Variants in NCAPG observed in about 807,000 individuals in gnomAD.
NCAPG encodes the protein non-SMC condensin I complex subunit G.
In NCAPG, 69 loss-of-function variants were observed where a neutral mutation model predicts 113.1. The ratio of observed to expected loss-of-function variants is 0.61; its 90% CI spans 0.50 to 0.75. The LOEUF (loss-of-function observed/expected upper bound fraction) is 0.75. Ranked by LOEUF, NCAPG falls within the 30% of genes least tolerant of loss-of-function variation. NCAPG has a pLI of 0.00. For synonymous variants in NCAPG, 370 were observed against 415.8 expected (o/e 0.89, Z 1.34); for missense variants, 1,058 against 1,177.0 (o/e 0.90, Z 1.48).
chr4:17,832,418 AT>A (rs1721901138), intron 13 of NCAPG, among the ~76,000 whole-genome samples: 1 of 152,210 alleles, frequency 6.6e-6, no homozygotes, highest in South Asian at 2.1e-4. Flanking sequence ...AAGGTGGAGG[AT>A]AATTTAAAGA....
At chr4:17,817,820 TA>T in intron 6 of NCAPG, 118 bp from the exon 7 acceptor site, 10 of 992,128 alleles carry the variant, frequency 1.0e-5, no homozygotes, top group Non-Finnish European at 1.4e-5. Flanking sequence ...TTAATGACTC[TA>T]ATTAAAAGGA....
chr4:17,830,569 T>TTTTTTTA (rs1721827140), intron 12 of NCAPG, among the ~76,000 whole-genome samples: 1 of 151,114 alleles, frequency 6.6e-6, no homozygotes, highest in African/African-American at 2.4e-5. Context: ...TTTTTTTTTT[T>TTTTTTTA]ACTTCAATGT....
In NCAPG at chr4:17,811,470, C is replaced by T. The variant is rs984560412; in HGVS notation, c.111+282C>T. Among the ~76,000 whole-genome samples the T allele has an allele frequency of 1.4e-4, 22 of 152,340 alleles. No homozygotes were observed. The highest frequency in any genetic ancestry group is 5.0e-4 in the African/African-American group (21 of 41,590). On this transcript the variant is annotated intron_variant, in intron 1 of 20. Coordinates refer to ENST00000251496, the MANE Select transcript of NCAPG (RefSeq NM_022346.5). The surrounding 1 kb of genome is among the most constrained non-coding windows in gnomAD (Gnocchi z 5.3). ...TTCTGGGCGGCGTGGACCGTTATTC[C>T]TTAGTCCGATCGTGAACGTGGAGAG...
At position 17,817,422 on chromosome 4, in the gene NCAPG, CTGGTGGGACTCTGTAAAAACAATG is replaced by C; in HGVS notation, c.938_961del (p.Leu313_Asp321delinsHis). 6.2e-7 allele frequency: 1 copy of C among 1,614,066 alleles called. No homozygotes were observed. The highest frequency in any genetic ancestry group is 8.5e-7 in the Non-Finnish European group (1 of 1,179,958). On this transcript the variant is annotated inframe_deletion, in exon 6 of 21. Coordinates refer to ENST00000251496, the MANE Select transcript of NCAPG (RefSeq NM_022346.5). ...GTTTTCAATAACTCCTCTCAGTGAACTGGTGGGACTCTGTAAAAACAATGATGGCAGGTACATAAAGGATTCATT... is the reference window on the plus strand; with the variant it reads ...GTTTTCAATAACTCCTCTCAGTGAACATGGCAGGTACATAAAGGATTCATT...
chr4:17,826,329 A>G (rs1485960680), intron 11 of NCAPG, among the ~76,000 whole-genome samples: 1 of 152,140 alleles, frequency 6.6e-6, no homozygotes, highest in African/African-American at 2.4e-5. Context: ...GATTATTCTC[A>G]TAAAAAGAAT....
rs913087090 is a variant in NCAPG at position 17,844,778 on chromosome 4, C to G, written c.*1353C>G. 2.0e-5 allele frequency: 3 copies of G among 152,340 alleles called. No individual in the cohort carries two copies. Among genetic ancestry groups the G allele is most frequent in the African/African-American group, 4.8e-5 (2 of 41,396 alleles). The allele number at this position is 152,340 out of a possible 1,614,324, so 9.4% of individuals were successfully genotyped here. On this transcript the variant is annotated 3_prime_UTR_variant, in exon 21 of 21. Coordinates refer to ENST00000251496, the MANE Select transcript of NCAPG (RefSeq NM_022346.5). Reference sequence around the variant, plus strand: ...TCCCATTCACACATGGCCAGGCTATCCAAAAAGAAAGGAGCCATGTTCTCA... The same window carrying G: ...TCCCATTCACACATGGCCAGGCTATGCAAAAAGAAAGGAGCCATGTTCTCA...
In NCAPG at chr4:17,843,459, T is replaced by C; in HGVS notation, c.*34T>C. 1 of 1,602,286 alleles carries C rather than the reference T, an allele frequency of 6.2e-7. No homozygotes were observed. Among genetic ancestry groups the C allele is most frequent in the Non-Finnish European group, 8.5e-7 (1 of 1,173,004 alleles). On this transcript the variant is annotated 3_prime_UTR_variant, in exon 21 of 21. Transcript: ENST00000251496. ...ATGGAGGTGGAATCCTTTAAGATTA[T>C]GTCCAGTTATTTGCTTTAATAAAGA...
At position 17,817,245 on chromosome 4, in the gene NCAPG, T is replaced by C. The variant is rs753993877; in HGVS notation, c.776-16T>C. The C allele has an allele frequency of 4.3e-5, 68 of 1,598,374 alleles. 2 individuals are homozygous for C. In the Middle Eastern group the frequency reaches 1.2e-3, roughly 27 times the overall value. On this transcript the variant is annotated splice_polypyrimidine_tract_variant and intron_variant, in intron 5 of 20. Coordinates refer to ENST00000251496, the MANE Select transcript of NCAPG (RefSeq NM_022346.5). ...GAGGGAGCCTTTGTTCACCTATGTT[T>C]CAAATGACTCAATAGATGCTGTGAA...
In NCAPG at chr4:17,823,085, AATT is replaced by A; in HGVS notation, c.1226_1228del (p.Ile409del). 6.2e-7 allele frequency: 1 copy of A among 1,610,366 alleles called. No homozygotes were observed. The highest frequency in any genetic ancestry group is 8.5e-7 in the Non-Finnish European group (1 of 1,178,498). On this transcript the variant is annotated inframe_deletion, in exon 8 of 21. Coordinates refer to ENST00000251496, the MANE Select transcript of NCAPG (RefSeq NM_022346.5). ...AATTCATAGGTCAACAATTGATTCT[AATT>A]ATTAAGTCTTTGGATACCAGTGAAG...
chr4:17,825,243 C>T, intron 10 of NCAPG, 139 bp from the exon 11 acceptor site: 1 of 837,458 alleles, frequency 1.2e-6, no homozygotes. Flanking sequence ...ATCTCTGTGT[C>T]AGGAAAACTA....
chr4:17,814,237 CT>C (rs1434902382), intron 3 of NCAPG, among the ~76,000 whole-genome samples: 6 of 152,090 alleles, frequency 3.9e-5, no homozygotes, highest in African/African-American at 1.4e-4. Context: ...TTTTCTGTGA[CT>C]TTTAGGGCTA....
Position 17,843,383 on chromosome 4 carries a change from T to TAA in NCAPG, c.3008_3009dup (p.Leu1004AsnfsTer12). 6.2e-7 allele frequency: 1 copy of TAA among 1,611,940 alleles called. No homozygotes were observed. Among genetic ancestry groups the TAA allele is most frequent in the African/African-American group, 1.3e-5 (1 of 74,954 alleles). ...CCAAAACCGCAGCACTAGAAAAAAG[T>TAA]AAACTTAACCTTGCCCAATTTCTCA... On this transcript the variant is annotated frameshift_variant, in exon 21 of 21. Transcript: ENST00000251496. LOFTEE classifies it high-confidence loss of function.
At chr4:17,838,871 G>C (rs756935709) in intron 16 of NCAPG, among the ~76,000 whole-genome samples, 4 of 152,164 alleles carry the variant, frequency 2.6e-5, no homozygotes, top group Non-Finnish European at 5.9e-5. Flanking sequence ...GTGGTTATAT[G>C]AGATGAATTG....
At chr4:17,824,547 T>TA (rs1441860944) in intron 9 of NCAPG, among the ~76,000 whole-genome samples, 1 of 152,122 alleles carries the variant, frequency 6.6e-6, no homozygotes, top group African/African-American at 2.4e-5. Context: ...ATGCTATTAT[T>TA]ATTTATGCAT....
intron 11 of NCAPG, among the ~76,000 whole-genome samples, chr4:17,827,757 C>T (rs1577340722): frequency 6.9e-6 from 1 of 145,244 alleles, no homozygotes; most frequent in Non-Finnish European, 1.5e-5. Context: ...ACGAGGTTGT[C>T]AGGTTTTTTT....
intron 13 of NCAPG, among the ~76,000 whole-genome samples, chr4:17,831,672 G>A (rs1187866679): frequency 6.6e-6 from 1 of 152,124 alleles, no homozygotes; most frequent in African/African-American, 2.4e-5. Context: ...AAGAATAAGG[G>A]AATAGGCACT....
chr4:17,822,962 T>C, intron 7 of NCAPG, 21 bp from the exon 8 acceptor site: 1 of 1,562,566 alleles, frequency 6.4e-7, no homozygotes, highest in Non-Finnish European at 8.6e-7. Flanking sequence ...GATTCTACTT[T>C]ATTAATTCTG....
At chr4:17,812,486 C>A (rs1024215941) in intron 2 of NCAPG, 62 bp downstream of exon 2, 2 of 1,236,816 alleles carry the variant, frequency 1.6e-6, no homozygotes, top group African/African-American at 1.5e-5. Flanking sequence ...TTAAAAGAGT[C>A]GTGGGAGTTT....
At chr4:17,813,838 G>A (rs1376503910) in intron 3 of NCAPG, among the ~76,000 whole-genome samples, 2 of 151,826 alleles carry the variant, frequency 1.3e-5, no homozygotes, top group African/African-American at 4.8e-5. Context: ...TTCCATATAT[G>A]CCTAGGTATG....
Sources: gnomAD v4.1 joint callset for allele counts (sites outside exome capture counted in the v4.1 genomes callset) on GRCh38, gnomAD v4.1.1 for gene constraint, Gnocchi (gnomAD v3.1) non-coding constraint, MANE v1.5 for transcripts, NCBI Gene and HGNC (gene_info 2026-07-23, HGNC 2026-07-21) for gene names.